RNF185: variants seen among roughly 807,000 people sequenced by gnomAD.
RNF185 encodes E3 ubiquitin-protein ligase RNF185.
RNF185 carries 13 observed loss-of-function variants against 24.9 expected under a neutral mutation model. That is an observed-to-expected ratio of 0.52 (90% CI 0.34 to 0.83). The LOEUF (loss-of-function observed/expected upper bound fraction) is 0.83. Among genes scored for constraint, RNF185 ranks in the 40% least tolerant of loss-of-function variants. The pLI, the probability that RNF185 is intolerant of heterozygous loss-of-function variation, is 0.01. For synonymous variants in RNF185, 79 were observed against 90.3 expected, an observed-to-expected ratio of 0.88 and a Z score of 0.71; for missense variants, 184 against 244.7, an observed-to-expected ratio of 0.75 and a Z score of 1.65.
chr22:31,197,820 C>T (rs1026725345), intron 5 of RNF185, among the ~76,000 whole-genome samples: 1 of 152,062 alleles, frequency 6.6e-6, no homozygotes, highest in African/African-American at 2.4e-5. Flanking sequence ...TGGGCTCAAG[C>T]AATCCTCCCA....
At chr22:31,171,010 GC>G (rs953413824) in intron 1 of RNF185, among the ~76,000 whole-genome samples, 4 of 152,024 alleles carry the variant, frequency 2.6e-5, no homozygotes, top group African/African-American at 9.7e-5. Flanking sequence ...CCTGGGCAAA[GC>G]CTAAGGAAGT....
Position 31,198,833 on chromosome 22 carries a change from A to G in RNF185, c.363+1843A>G, listed in dbSNP as rs530255160. 6.3e-5 allele frequency among the ~76,000 whole-genome samples: 9 copies of G among 142,660 alleles called. No homozygotes were observed. In the South Asian group the frequency reaches 1.2e-3, roughly 18 times the overall value. The allele number at this position is 142,660 out of a possible 152,430, so 93.6% of individuals were successfully genotyped here. A position where few individuals can be genotyped will look rare whatever the true frequency, so the allele number is the denominator to read the frequency against. ...TTCTCGGCTGGGCGTGGTGGCTCAC[A>G]CCTGTAATCTCAGCACTTTGGGAGG... On this transcript the variant is annotated intron_variant, in intron 5 of 6. Transcript: ENST00000326132.
chr22:31,194,110 C>A (rs2048181236), intron 3 of RNF185, among the ~76,000 whole-genome samples: 1 of 151,666 alleles, frequency 6.6e-6, no homozygotes, highest in South Asian at 2.1e-4. Context: ...GTTCCCCACG[C>A]TGGTCTTGAA....
intron 1 of RNF185, among the ~76,000 whole-genome samples, chr22:31,182,028 A>G (rs1242989027): frequency 1.3e-5 from 2 of 151,102 alleles, no homozygotes; most frequent in African/African-American, 2.4e-5. Context: ...ATTTAAAAAA[A>G]TGTGTCTCTA....
Position 31,201,579 on chromosome 22 carries a change from A to G in RNF185, c.445A>G (p.Thr149Ala), listed in dbSNP as rs1272849283. Residue 149 changes from threonine to alanine, a missense_variant, in exon 6 of 7, where the codon ACA (threonine) becomes GCA (alanine). Thr to Ala is a moderately conservative substitution (Grantham distance 58). Transcript: ENST00000326132. Reference protein sequence around the residue: ...IGAFPFGIFATAFNINDGRPP... With the variant: ...IGAFPFGIFAAAFNINDGRPP... Reference sequence around the variant, plus strand: ...GGCATTTCCCTTTGGGATATTTGCCACAGCATTTAATATAAATGATGGGCG... The same window carrying G: ...GGCATTTCCCTTTGGGATATTTGCCGCAGCATTTAATATAAATGATGGGCG... 1 of 1,612,006 alleles carries G rather than the reference A, an allele frequency of 6.2e-7. No homozygotes were observed. Among genetic ancestry groups the G allele is most frequent in the African/African-American group, 1.3e-5 (1 of 74,882 alleles).
At chr22:31,192,641 T>C in intron 2 of RNF185, 43 bp from the exon 3 acceptor site, 1 of 1,597,766 alleles carries the variant, frequency 6.3e-7, no homozygotes, top group Non-Finnish European at 8.6e-7. Flanking sequence ...TTTCCCCTTT[T>C]CTCCTTCTCC....
chr22:31,164,751 T>C (rs1240909747), intron 1 of RNF185, among the ~76,000 whole-genome samples: 2 of 151,718 alleles, frequency 1.3e-5, no homozygotes, highest in Non-Finnish European at 2.9e-5. Context: ...CATGCCCAGC[T>C]GTTTTTTGTA....
chr22:31,188,850 G>A (rs1437133150), intron 2 of RNF185, among the ~76,000 whole-genome samples: 5 of 151,784 alleles, frequency 3.3e-5, no homozygotes, highest in Admixed American at 1.3e-4. Context: ...GCTGGGCGCG[G>A]TGGCTCACGC....
intron 1 of RNF185, among the ~76,000 whole-genome samples, chr22:31,176,369 G>T (rs1377793051): frequency 2.0e-5 from 3 of 151,490 alleles, no homozygotes; most frequent in African/African-American, 7.3e-5. Context: ...CCAAATCCTG[G>T]GCTCAAGCAA....
At chr22:31,198,431 C>T (rs1202367832) in intron 5 of RNF185, among the ~76,000 whole-genome samples, 3 of 121,386 alleles carry the variant, frequency 2.5e-5, no homozygotes, top group African/African-American at 6.1e-5. Context: ...TGAAGTTTCA[C>T]TCTTGTTGCC....
At chr22:31,192,298 A>G (rs148047344) in intron 2 of RNF185, among the ~76,000 whole-genome samples, 21 of 152,154 alleles carry the variant, frequency 1.4e-4, no homozygotes, top group East Asian at 1.4e-3. Context: ...GCCCCCATCA[A>G]TTTTTTGCAC....
Position 31,195,458 on chromosome 22 carries a change from C to G in RNF185, c.196-11C>G. On this transcript the variant is annotated splice_polypyrimidine_tract_variant and intron_variant, in intron 3 of 6. Transcript: ENST00000326132. ...GGGCCATCCACATGCATTTTTCTCT[C>G]CTGTTTGCAGTGGTTGGAGACCAGA... The G allele has an allele frequency of 6.3e-7, 1 of 1,582,608 alleles. No individual in the cohort carries two copies. The highest frequency in any genetic ancestry group is 8.6e-7 in the Non-Finnish European group (1 of 1,162,204).
In RNF185 at chr22:31,164,691, A is replaced by T. The variant is rs1362043957; in HGVS notation, c.-49+4388A>T. Among the ~76,000 whole-genome samples, 3 of 146,054 alleles carry T rather than the reference A, an allele frequency of 2.1e-5. No homozygotes were observed. The East Asian group carries it at 6.0e-4, about 29-fold the overall frequency. On this transcript the variant is annotated intron_variant, in intron 1 of 6. Coordinates refer to ENST00000326132, the MANE Select transcript of RNF185 (RefSeq NM_152267.4). ...GCAACCCCCCTCCCGGGTTCAAGCG[A>T]TTCTCCTGCCTCAGCCTCCTGAATA... is the stretch of plus-strand genomic sequence containing the variant.
Position 31,195,600 on chromosome 22 carries a change from T to G in RNF185, c.308+19T>G. On this transcript the variant is annotated intron_variant, in intron 4 of 6. Coordinates refer to ENST00000326132, the MANE Select transcript of RNF185 (RefSeq NM_152267.4). ...ACCCCAGGTGAGGACTCAGGATGCC[T>G]CTCCCAACCACTTCTCCCCTTGGAT... 6.7e-7 allele frequency: 1 copy of G among 1,492,860 alleles called. No individual in the cohort carries two copies. The highest frequency in any genetic ancestry group is 2.4e-5 in the East Asian group (1 of 42,304). The allele number at this position is 1,492,860 out of a possible 1,614,324, so 92.5% of individuals were successfully genotyped here.
chr22:31,182,332 G>A (rs2048046910), intron 1 of RNF185, among the ~76,000 whole-genome samples: 1 of 151,754 alleles, frequency 6.6e-6, no homozygotes, highest in African/African-American at 2.4e-5. Flanking sequence ...ATGTCACTCA[G>A]GCTGGAATGC....
intron 3 of RNF185, among the ~76,000 whole-genome samples, chr22:31,193,212 C>CGTCAGCAGT (rs921713647): frequency 6.6e-6 from 1 of 152,056 alleles, no homozygotes; most frequent in Non-Finnish European, 1.5e-5. Flanking sequence ...TCTCCCTGGT[C>CGTCAGCAGT]GTCAGCAGTA....
chr22:31,197,641 G>A (rs2048219138), intron 5 of RNF185, among the ~76,000 whole-genome samples: 1 of 152,128 alleles, frequency 6.6e-6, no homozygotes, highest in Non-Finnish European at 1.5e-5. Flanking sequence ...CTGTAGCCTC[G>A]ACCTCCTGGG....
intron 1 of RNF185, among the ~76,000 whole-genome samples, 194 bp from the exon 2 acceptor site, chr22:31,186,853 A>G (rs2048104164): frequency 6.6e-6 from 1 of 152,128 alleles, no homozygotes; most frequent in Admixed American, 6.6e-5. Flanking sequence ...TCTGGACCAT[A>G]TTCATGAGAA....
At position 31,184,968 on chromosome 22, in the gene RNF185, T is replaced by A. The variant is rs531431400; in HGVS notation, c.-48-2079T>A. On this transcript the variant is annotated intron_variant, in intron 1 of 6. Transcript: ENST00000326132. Reference sequence around the variant, plus strand: ...GGGGAGGGGGAGGGAGAGCAATTTTTAATTTTTTAAGATTTTTTTTTTTTT... The same window carrying A: ...GGGGAGGGGGAGGGAGAGCAATTTTAAATTTTTTAAGATTTTTTTTTTTTT... 2.8e-5 allele frequency among the ~76,000 whole-genome samples: 4 copies of A among 143,204 alleles called. No individual in the cohort carries two copies. In the East Asian group the frequency reaches 7.8e-4, roughly 28 times the overall value. 93.9% of individuals were successfully genotyped at this position (143,204 alleles called of 152,430 possible). A position where few individuals can be genotyped will look rare whatever the true frequency, so the allele number is the denominator to read the frequency against.
Sources: allele counts gnomAD v4.1 joint callset (sites outside exome capture counted in the v4.1 genomes callset), GRCh38; gene constraint gnomAD v4.1.1; transcripts MANE v1.5; gene names NCBI Gene and HGNC (gene_info 2026-07-23, HGNC 2026-07-21).